CACNA2D1: variants seen among roughly 807,000 people sequenced by gnomAD.
CACNA2D1 encodes the protein calcium voltage-gated channel auxiliary subunit alpha2delta 1.
In CACNA2D1, 53 loss-of-function variants were observed where a neutral mutation model predicts 171.5. The observed-to-expected ratio is 0.31, with a 90% CI of 0.25 to 0.39. The LOEUF is 0.39. Ranked by LOEUF, CACNA2D1 falls within the 10% of genes least tolerant of loss-of-function variation. The pLI is 1.00. For missense variants in CACNA2D1, 903 were observed against 1,299.8 expected, an observed-to-expected ratio of 0.69 and a Z score of 4.69; for synonymous variants, 442 against 443.1, an observed-to-expected ratio of 1.00 and a Z score of 0.03.
At chr7:82,437,880 C>G (rs1830222862) in intron 1 of CACNA2D1, among the ~76,000 whole-genome samples, 1 of 152,038 alleles carries the variant, frequency 6.6e-6, no homozygotes, top group Non-Finnish European at 1.5e-5. Flanking sequence ...GCCTTCATTC[C>G]TAAAATATCA....
At chr7:82,421,108 T>A (rs1274187505) in intron 1 of CACNA2D1, among the ~76,000 whole-genome samples, 4 of 152,214 alleles carry the variant, frequency 2.6e-5, no homozygotes, top group African/African-American at 4.8e-5. Flanking sequence ...TACTTTATTA[T>A]GCACCACTGA....
intron 3 of CACNA2D1, among the ~76,000 whole-genome samples, chr7:82,194,856 G>A (rs1798692059): frequency 6.6e-6 from 1 of 151,746 alleles, no homozygotes; most frequent in Non-Finnish European, 1.5e-5. Context: ...GATAATGAAA[G>A]GTAAGCAGTA....
chr7:82,188,796 A>G (rs1055278445), intron 3 of CACNA2D1, among the ~76,000 whole-genome samples: 1 of 152,166 alleles, frequency 6.6e-6, no homozygotes, highest in Non-Finnish European at 1.5e-5. Flanking sequence ...GACTGAATAA[A>G]GAAAATGTGG....
chr7:82,257,317 C>T (rs1806423161), intron 3 of CACNA2D1, among the ~76,000 whole-genome samples: 1 of 152,176 alleles, frequency 6.6e-6, no homozygotes, highest in African/African-American at 2.4e-5. Flanking sequence ...CCCAAGCCCA[C>T]AGCAGTCTAT....
chr7:82,110,483 T>C (rs1208731227), intron 6 of CACNA2D1, among the ~76,000 whole-genome samples: 4 of 152,082 alleles, frequency 2.6e-5, no homozygotes, highest in Non-Finnish European at 5.9e-5. Flanking sequence ...CTGTAAGAAA[T>C]ACACGTCTGT....
intron 1 of CACNA2D1, among the ~76,000 whole-genome samples, chr7:82,441,834 T>C (rs1830526819): frequency 6.6e-6 from 1 of 152,194 alleles, no homozygotes; most frequent in Admixed American, 6.5e-5. Context: ...TCATTTGAGT[T>C]CTCACTTTAC....
intron 20 of CACNA2D1, among the ~76,000 whole-genome samples, chr7:81,993,629 T>G (rs2130765797): frequency 6.6e-6 from 1 of 152,270 alleles, no homozygotes. Context: ...TGAATAGTGA[T>G]AAAAATTATA....
intron 1 of CACNA2D1, among the ~76,000 whole-genome samples, chr7:82,412,760 G>A (rs764625383): frequency 6.6e-6 from 1 of 151,746 alleles, no homozygotes; most frequent in African/African-American, 2.4e-5. Context: ...CTTGGTCTAA[G>A]TGGTGAAAAT....
At chr7:82,261,414 G>A (rs1291751110) in intron 3 of CACNA2D1, among the ~76,000 whole-genome samples, 1 of 152,102 alleles carries the variant, frequency 6.6e-6, no homozygotes, top group Admixed American at 6.5e-5. Flanking sequence ...TTGCTCAGAG[G>A]TGAATCTAAC....
intron 3 of CACNA2D1, among the ~76,000 whole-genome samples, chr7:82,211,748 T>C (rs1406967349): frequency 6.6e-6 from 1 of 152,224 alleles, no homozygotes; most frequent in African/African-American, 2.4e-5. Context: ...CTTGGTCAAA[T>C]GGTAGTTTTG....
chr7:82,270,503 A>T (rs1313221112), intron 3 of CACNA2D1, among the ~76,000 whole-genome samples: 2 of 152,188 alleles, frequency 1.3e-5, no homozygotes, highest in African/African-American at 4.8e-5. Flanking sequence ...GTTAAAGGAC[A>T]TTTGGGTTGT....
intron 10 of CACNA2D1, among the ~76,000 whole-genome samples, chr7:82,055,778 G>C (rs1317837527): frequency 1.3e-5 from 1 of 77,098 alleles, no homozygotes; most frequent in Admixed American, 2.1e-4. Context: ...TGGGGGGAGG[G>C]GGGAGGGATA....
chr7:82,152,357 GAAAAGGT>G (rs1205468061), intron 4 of CACNA2D1, among the ~76,000 whole-genome samples: 2 of 138,364 alleles, frequency 1.4e-5, no homozygotes, highest in Middle Eastern at 8.5e-3. Context: ...TAATACTTGA[GAAAAGGT>G]AAAACCTTGA....
chr7:82,115,440 A>T (rs919722675), intron 6 of CACNA2D1, among the ~76,000 whole-genome samples: 2 of 152,078 alleles, frequency 1.3e-5, no homozygotes, highest in Non-Finnish European at 2.9e-5. Context: ...AAGTGATTTT[A>T]AAAAGGGCTT....
At chr7:82,352,092 T>C (rs1819911846) in intron 1 of CACNA2D1, among the ~76,000 whole-genome samples, 1 of 152,340 alleles carries the variant, frequency 6.6e-6, no homozygotes, top group South Asian at 2.1e-4. Context: ...TTCATTTAGG[T>C]GAGCCTGTTT....
chr7:82,106,978 T>G (rs971923669), intron 6 of CACNA2D1, among the ~76,000 whole-genome samples: 1 of 152,188 alleles, frequency 6.6e-6, no homozygotes, highest in Admixed American at 6.5e-5. Context: ...CTGAATGTCC[T>G]CCATGAGGCT....
At chr7:82,259,496 T>C (rs907776436) in intron 3 of CACNA2D1, among the ~76,000 whole-genome samples, 1 of 152,222 alleles carries the variant, frequency 6.6e-6, no homozygotes, top group Non-Finnish European at 1.5e-5. Flanking sequence ...GAAATATTTC[T>C]ATGGTAACAC....
intron 3 of CACNA2D1, among the ~76,000 whole-genome samples, chr7:82,178,177 G>C (rs1193259523): frequency 6.6e-6 from 1 of 152,022 alleles, no homozygotes; most frequent in Non-Finnish European, 1.5e-5. Flanking sequence ...TCGCCTCATA[G>C]CTTCTGGAGT....
At chr7:81,983,479 T>C (rs1000894603) in intron 22 of CACNA2D1, 145 bp from the exon 23 acceptor site, 2 of 689,528 alleles carry the variant, frequency 2.9e-6, no homozygotes, top group Admixed American at 5.0e-5. Context: ...TGTACAGCTG[T>C]AGTCTGAGGA....
Sources: allele counts gnomAD v4.1 joint callset (sites outside exome capture counted in the v4.1 genomes callset), GRCh38; gene constraint gnomAD v4.1.1; transcripts MANE v1.5; gene names NCBI Gene and HGNC (gene_info 2026-07-23, HGNC 2026-07-21).